The following NOL4 variants were observed in gnomAD, a reference collection of about 807,000 sequenced individuals.
NOL4 encodes the protein nucleolar protein 4, also known as cancer/testis antigen 125.
In NOL4, 17 loss-of-function variants were observed where a neutral mutation model predicts 75.9. That is an observed-to-expected ratio of 0.22 (90% CI 0.15 to 0.34). The LOEUF (loss-of-function observed/expected upper bound fraction) is 0.34. Among genes scored for constraint, NOL4 ranks in the 10% least tolerant of loss-of-function variants. The probability of loss-of-function intolerance (pLI) is 1.00; values close to 1 mark genes in which losing one functional copy is unlikely to be tolerated. For synonymous variants in NOL4, 292 were observed against 289.9 expected, an observed-to-expected ratio of 1.01 and a Z score of -0.07; for missense variants, 614 against 793.5, an observed-to-expected ratio of 0.77 and a Z score of 2.72.
At position 34,129,947 on chromosome 18, in the gene NOL4, T is replaced by C; in HGVS notation, c.338A>G (p.Tyr113Cys). The C allele has an allele frequency of 6.2e-7, 1 of 1,600,562 alleles. No individual in the cohort carries two copies. Among genetic ancestry groups the C allele is most frequent in the South Asian group, 1.1e-5 (1 of 89,180 alleles). ...AVVEDFFDIIYSMHVETGPNG... is the reference protein window; with the variant it reads ...AVVEDFFDIICSMHVETGPNG... Reference sequence around the variant, plus strand: ...TGGCCCCGTTTCCACATGCATCGAATAAATAATGTCAAAGAAATCTTCAAC... The same window carrying C: ...TGGCCCCGTTTCCACATGCATCGAACAAATAATGTCAAAGAAATCTTCAAC... The change falls in exon 2 of 11, where the codon TAT becomes TGT. Residue 113 changes from tyrosine to cysteine, a missense_variant. By Grantham distance (194) the Tyr-to-Cys change is radical. Around this residue, in one of 9 missense-constraint regions of NOL4, gnomAD observed 135 missense variants for 220.4 expected, o/e 0.61. Transcript: ENST00000261592.
At chr18:34,217,451 A>AT (rs1304352830) in intron 1 of NOL4, among the ~76,000 whole-genome samples, 1 of 150,790 alleles carries the variant, frequency 6.6e-6, no homozygotes, top group African/African-American at 2.4e-5. Context: ...CACCCAGCTA[A>AT]TTTTTTTTGT....
At chr18:34,027,327 T>G (rs2075397665) in intron 5 of NOL4, among the ~76,000 whole-genome samples, 1 of 152,140 alleles carries the variant, frequency 6.6e-6, no homozygotes, top group African/African-American at 2.4e-5. Flanking sequence ...ATCATGGGAT[T>G]AGCAATAAAT....
chr18:33,981,532 C>G (rs1362046928), intron 6 of NOL4, among the ~76,000 whole-genome samples: 1 of 151,932 alleles, frequency 6.6e-6, no homozygotes, highest in Non-Finnish European at 1.5e-5. Context: ...GAGTGAAATA[C>G]TTAGTGATGA....
chr18:33,893,486 T>A (rs556751153), intron 9 of NOL4, among the ~76,000 whole-genome samples: 1 of 152,312 alleles, frequency 6.6e-6, no homozygotes, highest in East Asian at 1.9e-4. Context: ...ATAGACATGT[T>A]ATTTATAAAA....
chr18:34,130,914 TG>T (rs1249970959), intron 1 of NOL4, among the ~76,000 whole-genome samples: 1 of 152,118 alleles, frequency 6.6e-6, no homozygotes, highest in Non-Finnish European at 1.5e-5. Context: ...GCCATTTTGC[TG>T]GGAAGTACAG....
intron 1 of NOL4, among the ~76,000 whole-genome samples, chr18:34,181,790 C>T (rs1026815623): frequency 6.6e-6 from 1 of 151,642 alleles, no homozygotes; most frequent in African/African-American, 2.4e-5. Context: ...ATCCAATAAA[C>T]ACATTAAATT....
At chr18:34,191,987 AC>A (rs2034954418) in intron 1 of NOL4, among the ~76,000 whole-genome samples, 3 of 152,138 alleles carry the variant, frequency 2.0e-5, no homozygotes, top group Admixed American at 6.6e-5. Context: ...TCCTGCAATT[AC>A]TAGCTTAGGT....
At chr18:34,163,088 T>C (rs2031774397) in intron 1 of NOL4, among the ~76,000 whole-genome samples, 1 of 152,134 alleles carries the variant, frequency 6.6e-6, no homozygotes, top group East Asian at 1.9e-4. Context: ...ATGGGACATA[T>C]CTCAAAATAA....
At chr18:34,133,997 C>G (rs567898040) in intron 1 of NOL4, among the ~76,000 whole-genome samples, 1 of 152,142 alleles carries the variant, frequency 6.6e-6, no homozygotes, top group Non-Finnish European at 1.5e-5. Flanking sequence ...CACTCCAGCC[C>G]GAGCCACAGA....
chr18:33,889,167 A>C (rs965102355), intron 9 of NOL4, among the ~76,000 whole-genome samples: 2 of 152,126 alleles, frequency 1.3e-5, no homozygotes, highest in Non-Finnish European at 2.9e-5. Flanking sequence ...AATAGATGCA[A>C]CAGAAAATGA....
At chr18:34,193,278 A>G (rs1247665682) in intron 1 of NOL4, among the ~76,000 whole-genome samples, 1 of 152,188 alleles carries the variant, frequency 6.6e-6, no homozygotes, top group African/African-American at 2.4e-5. Flanking sequence ...CTAACTGAAA[A>G]GATCCTGCAC....
At chr18:34,220,820 T>C (rs1600919703) in intron 1 of NOL4, among the ~76,000 whole-genome samples, 1 of 152,298 alleles carries the variant, frequency 6.6e-6, no homozygotes, top group East Asian at 1.9e-4. Flanking sequence ...ACCTGATGAA[T>C]TATATTCTCT....
At chr18:33,937,685 T>C (rs142278935) in intron 9 of NOL4, among the ~76,000 whole-genome samples, 1 of 152,200 alleles carries the variant, frequency 6.6e-6, no homozygotes, top group Non-Finnish European at 1.5e-5. Flanking sequence ...TCCCTGCCAA[T>C]TACATGCTTT....
intron 1 of NOL4, among the ~76,000 whole-genome samples, chr18:34,166,795 TG>T (rs1568413197): frequency 1.9e-5 from 2 of 106,390 alleles, no homozygotes; most frequent in Non-Finnish European, 4.1e-5. Context: ...CCCAGCACTT[TG>T]GGAGGCCGAG....
chr18:34,209,694 C>T (rs2146548403), intron 1 of NOL4, among the ~76,000 whole-genome samples: 2 of 152,246 alleles, frequency 1.3e-5, no homozygotes, highest in East Asian at 3.9e-4. Flanking sequence ...CCTAAGATTA[C>T]TTAATTTATA....
At chr18:34,170,972 ATAAT>A (rs1342926701) in intron 1 of NOL4, among the ~76,000 whole-genome samples, 1 of 152,218 alleles carries the variant, frequency 6.6e-6, no homozygotes, top group Non-Finnish European at 1.5e-5. Context: ...ACAGTTTTCT[ATAAT>A]TAAGCTAACA....
chr18:34,213,145 T>A (rs1359241082), intron 1 of NOL4, among the ~76,000 whole-genome samples: 1 of 152,144 alleles, frequency 6.6e-6, no homozygotes, highest in Admixed American at 6.5e-5. Context: ...TCATGGTAGA[T>A]AGAGGCATAT....
chr18:34,218,246 G>A (rs148027125), intron 1 of NOL4, among the ~76,000 whole-genome samples: 76 of 152,198 alleles, frequency 5.0e-4, no homozygotes, highest in African/African-American at 1.8e-3. Flanking sequence ...TCATTCCTCC[G>A]TCTTATGCAG....
chr18:34,073,064 T>C (rs1207422139), intron 5 of NOL4, among the ~76,000 whole-genome samples: 9 of 152,038 alleles, frequency 5.9e-5, no homozygotes, highest in Admixed American at 3.9e-4. Flanking sequence ...AATCCTAAGT[T>C]AATAAGTGTG....
Sources: gnomAD v4.1 joint callset for allele counts (sites outside exome capture counted in the v4.1 genomes callset) on GRCh38, gnomAD v4.1.1 for gene constraint, gnomAD v4.1.1 regional missense constraint, MANE v1.5 for transcripts, NCBI Gene and HGNC (gene_info 2026-07-23, HGNC 2026-07-21) for gene names.